ITPKB: variants seen among roughly 807,000 people sequenced by gnomAD.
ITPKB encodes IP3 3-kinase B.
In ITPKB, 13 loss-of-function variants were observed where a neutral mutation model predicts 69.4. The ratio of observed to expected loss-of-function variants is 0.19; its 90% CI spans 0.12 to 0.30. ITPKB has a LOEUF of 0.30. Ranked by LOEUF, ITPKB falls within the 10% of genes least tolerant of loss-of-function variation. The pLI, the probability that ITPKB is intolerant of heterozygous loss-of-function variation, is 1.00. For missense variants in ITPKB, 1,240 were observed against 1,250.5 expected (o/e 0.99, Z 0.13); for synonymous variants, 584 against 513.7 (o/e 1.14, Z -1.85).
At chr1:226,685,440 T>C (rs1291542919) in intron 2 of ITPKB, among the ~76,000 whole-genome samples, 1 of 152,180 alleles carries the variant, frequency 6.6e-6, no homozygotes, top group Non-Finnish European at 1.5e-5. Flanking sequence ...CTTGGAATCA[T>C]CTTTCCCTCC....
At chr1:226,649,514 CAT>C (rs1311578289) in intron 2 of ITPKB, among the ~76,000 whole-genome samples, 10 of 145,216 alleles carry the variant, frequency 6.9e-5, no homozygotes, top group Admixed American at 2.8e-4. Context: ...GTGATATGTG[CAT>C]GTGTGTGATG....
chr1:226,635,700 C>T (rs563746256), intron 7 of ITPKB, among the ~76,000 whole-genome samples: 169 of 152,370 alleles, frequency 1.1e-3, no homozygotes, highest in Admixed American at 6.9e-3. Flanking sequence ...CAAATGCACA[C>T]AGCACCCCCA....
intron 3 of ITPKB, among the ~76,000 whole-genome samples, chr1:226,647,823 T>TG (rs1218192416): frequency 3.3e-5 from 5 of 152,340 alleles, no homozygotes; most frequent in East Asian, 1.9e-4. Flanking sequence ...GCTGAGAAGC[T>TG]GGGGGGCCTA....
intron 2 of ITPKB, among the ~76,000 whole-genome samples, chr1:226,692,660 C>T (rs181211396): frequency 2.0e-4 from 30 of 152,244 alleles, no homozygotes; most frequent in Admixed American, 1.4e-3. Context: ...ATTTCTGAGC[C>T]GGCCACTAAA....
chr1:226,711,649 C>T (rs1307508599), intron 2 of ITPKB, among the ~76,000 whole-genome samples: 1 of 152,160 alleles, frequency 6.6e-6, no homozygotes, highest in East Asian at 1.9e-4. Context: ...ATGGAAACCT[C>T]CCAACCTGGA....
At chr1:226,713,941 T>G (rs1038020388) in intron 2 of ITPKB, among the ~76,000 whole-genome samples, 14 of 152,156 alleles carry the variant, frequency 9.2e-5, no homozygotes, top group African/African-American at 3.4e-4. Flanking sequence ...CACAAGGACT[T>G]TCCTTGACTT....
chr1:226,694,977 C>T (rs2102783576), intron 2 of ITPKB, among the ~76,000 whole-genome samples: 1 of 152,372 alleles, frequency 6.6e-6, no homozygotes, highest in East Asian at 1.9e-4. Flanking sequence ...CGCCTGTAAT[C>T]CCAGCACTCT....
In ITPKB at chr1:226,637,261, CGA is replaced by C. The variant is rs1668858770; in HGVS notation, c.2625+416_2625+417del. ...AAAGTTGGGAGATTCCAGCCCTGCC[CGA>C]GAGTGGCACCTGAAGACCTGCCTGC... On this transcript the variant is annotated intron_variant, in intron 7 of 7. Transcript: ENST00000429204. This position sits in a 1 kb window ranked among gnomAD's most constrained non-coding sequence, Gnocchi z 4.3. Among the ~76,000 whole-genome samples the C allele has an allele frequency of 6.6e-6, 1 of 152,178 alleles. No individual in the cohort carries two copies. The highest frequency in any genetic ancestry group is 2.4e-5 in the African/African-American group (1 of 41,416).
chr1:226,720,045 A>G (rs1005773746), intron 2 of ITPKB, among the ~76,000 whole-genome samples: 3 of 152,330 alleles, frequency 2.0e-5, no homozygotes, highest in African/African-American at 7.2e-5. Context: ...TCATCAGCCT[A>G]AGGAGGCAGC....
In ITPKB at chr1:226,675,403, A is replaced by G. The variant is rs115878017; in HGVS notation, c.1933-26632T>C. 2.3e-3 allele frequency among the ~76,000 whole-genome samples: 358 copies of G among 152,376 alleles called. 3 individuals are homozygous for G. The highest frequency in any genetic ancestry group is 8.2e-3 in the African/African-American group (342 of 41,594). On this transcript the variant is annotated intron_variant, in intron 2 of 7. Coordinates refer to ENST00000429204, the MANE Select transcript of ITPKB (RefSeq NM_002221.4). The stretch of plus-strand genomic sequence containing the variant: ...ACAGTCCAATCACGAAGCACAGATC[A>G]GGACACAGATACAGGTCCATGTTTT...
At chr1:226,679,333 T>C (rs1437488319) in intron 2 of ITPKB, among the ~76,000 whole-genome samples, 2 of 152,204 alleles carry the variant, frequency 1.3e-5, no homozygotes, top group Admixed American at 6.5e-5. Flanking sequence ...AACTCTGATA[T>C]TCCATGCTCC....
chr1:226,671,432 TCA>T (rs1461712673), intron 2 of ITPKB, among the ~76,000 whole-genome samples: 3 of 152,246 alleles, frequency 2.0e-5, no homozygotes, highest in African/African-American at 7.2e-5. Context: ...GCTAATGGAT[TCA>T]CGCATGCATG....
intron 2 of ITPKB, among the ~76,000 whole-genome samples, chr1:226,698,297 G>A (rs1656543242): frequency 6.6e-6 from 1 of 152,250 alleles, no homozygotes; most frequent in Non-Finnish European, 1.5e-5. Flanking sequence ...AGCTACGACA[G>A]CTCATTTCTG....
chr1:226,681,012 T>C (rs767470120), intron 2 of ITPKB, among the ~76,000 whole-genome samples: 7 of 152,170 alleles, frequency 4.6e-5, no homozygotes, highest in South Asian at 2.1e-4. Flanking sequence ...TGACAAGACT[T>C]TGAGATGCAT....
chr1:226,634,523 A>C lies in ITPKB; in HGVS notation c.*148T>G. The C allele has an allele frequency of 1.7e-6, 1 of 600,510 alleles. No homozygotes were observed. The allele number at this position is 600,510 out of a possible 1,614,324, so 37.2% of individuals were successfully genotyped here. A position where few individuals can be genotyped will look rare whatever the true frequency, so the allele number is the denominator to read the frequency against. The stretch of plus-strand genomic sequence containing the variant: ...GCCCTGAAGTTAGGAAAATGACTAG[A>C]AACTCTCATCTCCTCTTCTACAAAG... On this transcript the variant is annotated 3_prime_UTR_variant, in exon 8 of 8. Transcript: ENST00000429204. This position sits in a 1 kb window ranked among gnomAD's most constrained non-coding sequence, Gnocchi z 6.3.
chr1:226,640,339 C>G (rs1668932910), intron 5 of ITPKB, among the ~76,000 whole-genome samples: 1 of 152,188 alleles, frequency 6.6e-6, no homozygotes, highest in Non-Finnish European at 1.5e-5. Context: ...AATGCTCCAC[C>G]AGGAGTCCCA....
chr1:226,700,806 C>A (rs1272498222), intron 2 of ITPKB, among the ~76,000 whole-genome samples: 2 of 151,990 alleles, frequency 1.3e-5, no homozygotes, highest in African/African-American at 4.8e-5. Context: ...GGAGTGGGGG[C>A]CCAAACAAAA....
chr1:226,657,798 A>G (rs1390358354), intron 2 of ITPKB, among the ~76,000 whole-genome samples: 2 of 152,228 alleles, frequency 1.3e-5, no homozygotes, highest in East Asian at 1.9e-4. Context: ...ATTTTGTCTC[A>G]GCCAACAGGA....
At chr1:226,735,451 A>G in intron 2 of ITPKB, 76 bp downstream of exon 2, 1 of 1,409,378 alleles carries the variant, frequency 7.1e-7, no homozygotes, top group Non-Finnish European at 9.3e-7. Context: ...GAAAGTTAAG[A>G]AAAAGGGATG....
Sources: allele counts gnomAD v4.1 joint callset (sites outside exome capture counted in the v4.1 genomes callset), GRCh38; gene constraint gnomAD v4.1.1; non-coding constraint Gnocchi (gnomAD v3.1); transcripts MANE v1.5; gene names NCBI Gene and HGNC (gene_info 2026-07-23, HGNC 2026-07-21).